SLC8A1: variants seen among roughly 807,000 people sequenced by gnomAD.
SLC8A1 encodes sodium/calcium exchanger 1.
A neutral mutation model predicts 68.3 loss-of-function variants in SLC8A1; 18 were observed. That is an observed-to-expected ratio of 0.26 (90% confidence interval 0.18 to 0.39). SLC8A1 has a LOEUF of 0.39. Ranked by LOEUF, SLC8A1 falls within the 10% of genes least tolerant of loss-of-function variation. The probability of loss-of-function intolerance (pLI) is 1.00; values close to 1 mark genes in which losing one functional copy is unlikely to be tolerated. For synonymous variants in SLC8A1, 475 were observed against 415.5 expected (o/e 1.14, Z -1.74); for missense variants, 985 against 1,156.7 (o/e 0.85, Z 2.15).
exon 8 of SLC8A1, chr2:40,113,273 C>T (rs952856536): frequency 2.6e-5 from 4 of 152,676 alleles, no homozygotes; most frequent in African/African-American, 9.7e-5. Context: ...ATTTTTGAAT[C>T]AATACAGAGG....
At chr2:40,122,808 T>C (rs1165152108) in intron 7 of SLC8A1, among the ~76,000 whole-genome samples, 1 of 152,220 alleles carries the variant, frequency 6.6e-6, no homozygotes, top group Non-Finnish European at 1.5e-5. Context: ...GTAACCATTT[T>C]TGTTATTGAA....
At chr2:40,267,577 C>G (rs894015702) in intron 2 of SLC8A1, among the ~76,000 whole-genome samples, 1 of 152,172 alleles carries the variant, frequency 6.6e-6, no homozygotes, top group Non-Finnish European at 1.5e-5. Flanking sequence ...TATTGACTGT[C>G]TATCCCAGCA....
At chr2:40,261,035 C>T (rs78644100) in intron 2 of SLC8A1, among the ~76,000 whole-genome samples, 151 of 152,216 alleles carry the variant, frequency 9.9e-4, no homozygotes, top group African/African-American at 3.6e-3. Flanking sequence ...TTTTTCTTTA[C>T]AATCTAAATA....
rs150260530 is a variant in SLC8A1, at chr2:40,398,070, T to C, written c.1808+30403A>G. On this transcript the variant is annotated intron_variant, in intron 2 of 7. Coordinates refer to ENST00000406785, the Ensembl canonical transcript of SLC8A1. ...CAGCTTGGAGAAACAGCATTTCTTC[T>C]GCAGTTATTGAAAGAAAGTAACCCA... Among the ~76,000 whole-genome samples, 406 of 152,370 alleles carry C rather than the reference T, an allele frequency of 2.7e-3. 2 individuals are homozygous for C. The highest frequency in any genetic ancestry group is 3.1e-3 in the Admixed American group (48 of 15,304).
chr2:40,145,798 G>A (rs1411778459), intron 6 of SLC8A1, among the ~76,000 whole-genome samples: 1 of 152,190 alleles, frequency 6.6e-6, no homozygotes, highest in Non-Finnish European at 1.5e-5. Flanking sequence ...ATAAGGGCCA[G>A]CAGTTTTTAC....
intron 6 of SLC8A1, among the ~76,000 whole-genome samples, chr2:40,147,025 A>G (rs1246638125): frequency 6.6e-6 from 1 of 152,228 alleles, no homozygotes; most frequent in Non-Finnish European, 1.5e-5. Context: ...CAGAATGCTT[A>G]CAAGCTTAAG....
chr2:40,455,976 T>G (rs2149888268), upstream of SLC8A1, among the ~76,000 whole-genome samples: 1 of 149,384 alleles, frequency 6.7e-6, no homozygotes, highest in East Asian at 2.0e-4. Context: ...TCACAGTCTT[T>G]GGACATCAGG....
intron 2 of SLC8A1, among the ~76,000 whole-genome samples, chr2:40,411,764 A>G (rs181148249): frequency 4.9e-4 from 75 of 152,212 alleles, no homozygotes; most frequent in African/African-American, 1.7e-3. Context: ...TAAAACAAAG[A>G]TTATACCTGT....
chr2:40,169,179 C>T (rs536890211), intron 4 of SLC8A1, among the ~76,000 whole-genome samples: 1 of 152,260 alleles, frequency 6.6e-6, no homozygotes, highest in South Asian at 2.1e-4. Flanking sequence ...ACAACACAAC[C>T]CATAAGGTCC....
intron 2 of SLC8A1, among the ~76,000 whole-genome samples, chr2:40,326,583 CTCTCTT>C (rs1300936994): frequency 1.3e-5 from 2 of 152,270 alleles, no homozygotes; most frequent in Admixed American, 1.3e-4. Context: ...TATCCTCTTC[CTCTCTT>C]TCTCTTTCTA....
intron 7 of SLC8A1, among the ~76,000 whole-genome samples, chr2:40,131,448 G>A (rs1418553016): frequency 6.6e-6 from 1 of 152,140 alleles, no homozygotes; most frequent in African/African-American, 2.4e-5. Context: ...GTCCTTCAAG[G>A]GAGCTCAGAA....
At chr2:40,138,242 G>C (rs958370710) in intron 7 of SLC8A1, among the ~76,000 whole-genome samples, 2 of 152,212 alleles carry the variant, frequency 1.3e-5, no homozygotes, top group Non-Finnish European at 2.9e-5. Flanking sequence ...TGGTGAATTT[G>C]AGTAGAAAGA....
At chr2:40,158,710 G>A (rs1037281238) in intron 6 of SLC8A1, among the ~76,000 whole-genome samples, 1 of 152,048 alleles carries the variant, frequency 6.6e-6, no homozygotes, top group African/African-American at 2.4e-5. Context: ...TAGCACACTG[G>A]ACCAGTCTTC....
intron 6 of SLC8A1, among the ~76,000 whole-genome samples, chr2:40,140,306 T>C (rs573294230): frequency 3.0e-4 from 45 of 152,372 alleles, no homozygotes; most frequent in African/African-American, 1.1e-3. Context: ...TCTCCTACTT[T>C]TGTTCTTTAG....
At chr2:40,188,465 A>G (rs542550962) in intron 2 of SLC8A1, among the ~76,000 whole-genome samples, 1 of 152,330 alleles carries the variant, frequency 6.6e-6, no homozygotes, top group East Asian at 1.9e-4. Flanking sequence ...ATGCTGCTGG[A>G]TTTCAGACTG....
chr2:40,207,444 GTTGGGTTCTATTTC>G (rs2055673255), intron 2 of SLC8A1, among the ~76,000 whole-genome samples: 1 of 151,878 alleles, frequency 6.6e-6, no homozygotes, highest in Admixed American at 6.6e-5. Flanking sequence ...CTATACAAAT[GTTGGGTTCTATTTC>G]TTGAATAAGT....
chr2:40,198,562 A>C (rs1306469556), intron 2 of SLC8A1, among the ~76,000 whole-genome samples: 1 of 151,986 alleles, frequency 6.6e-6, no homozygotes, highest in East Asian at 1.9e-4. Context: ...AGTTGGTAAA[A>C]CTGACCCAGA....
At chr2:40,284,335 C>A (rs1484067326) in intron 2 of SLC8A1, among the ~76,000 whole-genome samples, 1 of 141,310 alleles carries the variant, frequency 7.1e-6, no homozygotes, top group African/African-American at 2.5e-5. Flanking sequence ...ATATATAGAT[C>A]TCTCTATATA....
At chr2:40,307,401 T>C (rs2072859049) in intron 2 of SLC8A1, among the ~76,000 whole-genome samples, 1 of 151,500 alleles carries the variant, frequency 6.6e-6, no homozygotes, top group South Asian at 2.1e-4. Context: ...AAAAGGGGAG[T>C]TGTTTAATGG....
Sources: gnomAD v4.1 joint callset for allele counts (sites outside exome capture counted in the v4.1 genomes callset) on GRCh38, gnomAD v4.1.1 for gene constraint, MANE v1.5 for transcripts, NCBI Gene and HGNC (gene_info 2026-07-23, HGNC 2026-07-21) for gene names.